Variants in ACOT7 observed in about 807,000 individuals in gnomAD.
ACOT7 encodes the protein acyl-CoA thioesterase 7.
Under a neutral mutation model 40.2 loss-of-function variants are expected in ACOT7, and 12 were observed. The observed-to-expected ratio is 0.30, with a 90% CI of 0.19 to 0.48. The LOEUF is 0.48. Among genes scored for constraint, ACOT7 ranks in the 20% least tolerant of loss-of-function variants. ACOT7 has a pLI of 0.99. For synonymous variants in ACOT7, 228 were observed against 219.5 expected, an observed-to-expected ratio of 1.04 and a Z score of -0.34; for missense variants, 395 against 530.8, an observed-to-expected ratio of 0.74 and a Z score of 2.51.
chr1:6,305,021 GC>G lies in ACOT7; in HGVS notation c.713-10042del, dbSNP rs1315765846. 1.6e-4 allele frequency among the ~76,000 whole-genome samples: 24 copies of G among 149,544 alleles called. No individual in the cohort carries two copies. The East Asian group carries it at 2.7e-3, about 17-fold the overall frequency. ...CGGACGGGGCGGCTGGCCGGGCGGGGCGCTGACCCCCCCGCCTCCCTCCCAG... is the reference window on the plus strand; with the variant it reads ...CGGACGGGGCGGCTGGCCGGGCGGGGGCTGACCCCCCCGCCTCCCTCCCAG... On this transcript the variant is annotated intron_variant, in intron 6 of 8. Transcript: ENST00000361521.
At chr1:6,320,739 C>T (rs1434826259) in intron 5 of ACOT7, among the ~76,000 whole-genome samples, 2 of 152,196 alleles carry the variant, frequency 1.3e-5, no homozygotes, top group Non-Finnish European at 2.9e-5. Context: ...GGTTCTACCC[C>T]TCCAGTCACC....
At chr1:6,277,678 C>T (rs1639236572) in intron 8 of ACOT7, among the ~76,000 whole-genome samples, 2 of 152,256 alleles carry the variant, frequency 1.3e-5, no homozygotes, top group Admixed American at 1.3e-4. Flanking sequence ...TCCTCCCTGA[C>T]TCCAGGCCTC....
In ACOT7 at chr1:6,294,772, T is replaced by C. The variant is rs774108726; in HGVS notation, c.829+92A>G. ...AGATGGGCACACACCAAGGCCCACA[T>C]GACCCTGGGTGTGAACAGAAAACAA... On this transcript the variant is annotated intron_variant, in intron 7 of 8. Coordinates refer to ENST00000361521, the MANE Select transcript of ACOT7 (RefSeq NM_007274.4). The surrounding 1 kb of genome is among the most constrained non-coding windows in gnomAD (Gnocchi z 4.6). 1.4e-5 allele frequency: 14 copies of C among 971,350 alleles called. No homozygotes were observed. The highest frequency in any genetic ancestry group is 3.2e-5 in the African/African-American group (2 of 61,776). 60.2% of individuals were successfully genotyped at this position (971,350 alleles called of 1,614,324 possible). A position where few individuals can be genotyped will look rare whatever the true frequency, so the allele number is the denominator to read the frequency against.
At position 6,299,865 on chromosome 1, in the gene ACOT7, G is replaced by A. The variant is rs1209756532; in HGVS notation, c.713-4885C>T. Among the ~76,000 whole-genome samples the A allele has an allele frequency of 2.0e-5, 3 of 152,284 alleles. No individual in the cohort carries two copies. The highest frequency in any genetic ancestry group is 3.4e-3 in the Middle Eastern group (1 of 294). On this transcript the variant is annotated intron_variant, in intron 6 of 8. Coordinates refer to ENST00000361521, the MANE Select transcript of ACOT7 (RefSeq NM_007274.4). This position sits in a 1 kb window ranked among gnomAD's most constrained non-coding sequence, Gnocchi z 4.1. ...GCACAGGTGTGCCACGGAATTCCAC[G>A]GCATTTCCCACAGACCAACTCTAAA...
At chr1:6,375,048 C>T (rs959090680) in intron 1 of ACOT7, among the ~76,000 whole-genome samples, 26 of 151,536 alleles carry the variant, frequency 1.7e-4, no homozygotes, top group African/African-American at 4.9e-4. Flanking sequence ...GAGGCCGAGG[C>T]GGGCGGATCA....
intron 8 of ACOT7, among the ~76,000 whole-genome samples, chr1:6,271,627 C>T (rs1002403148): frequency 1.3e-5 from 2 of 152,188 alleles, no homozygotes; most frequent in African/African-American, 4.8e-5. Flanking sequence ...GTGGCCTCTC[C>T]GCCATCCGCT....
In ACOT7 at chr1:6,286,131, G is replaced by A. The variant is rs981656234; in HGVS notation, c.830-4845C>T. 2.6e-5 allele frequency among the ~76,000 whole-genome samples: 4 copies of A among 152,342 alleles called. No homozygotes were observed. In the East Asian group the frequency reaches 7.7e-4, roughly 29 times the overall value. ...CCTGACAATCAGCCCACGAGCGGAG[G>A]TGCTGCCTTGGGATGGCTCCACCAC... On this transcript the variant is annotated intron_variant, in intron 7 of 8. Coordinates refer to ENST00000361521, the MANE Select transcript of ACOT7 (RefSeq NM_007274.4).
At chr1:6,305,242 C>T (rs1571290010) in intron 6 of ACOT7, among the ~76,000 whole-genome samples, 4 of 145,268 alleles carry the variant, frequency 2.8e-5, no homozygotes, top group Admixed American at 6.7e-5. Flanking sequence ...GCGGGCCGGG[C>T]GGGGGGCTGA....
At chr1:6,331,056 C>A (rs1003540546) in intron 4 of ACOT7, among the ~76,000 whole-genome samples, 2 of 152,132 alleles carry the variant, frequency 1.3e-5, no homozygotes, top group Admixed American at 6.5e-5. Flanking sequence ...CCCATCTGAC[C>A]CCTGCTCCTT....
intron 5 of ACOT7, among the ~76,000 whole-genome samples, chr1:6,323,512 G>A (rs889522917): frequency 6.6e-6 from 1 of 152,022 alleles, no homozygotes; most frequent in Non-Finnish European, 1.5e-5. Context: ...GAGGTCAGGA[G>A]TTCGAGACCA....
intron 6 of ACOT7, among the ~76,000 whole-genome samples, chr1:6,307,503 TAC>T (rs1640188909): frequency 6.6e-6 from 1 of 152,208 alleles, no homozygotes; most frequent in African/African-American, 2.4e-5. Flanking sequence ...GTCTAATTTA[TAC>T]AGAGTGCTCA....
chr1:6,313,462 A>G (rs1275375167), intron 6 of ACOT7, among the ~76,000 whole-genome samples: 1 of 152,170 alleles, frequency 6.6e-6, no homozygotes, highest in Non-Finnish European at 1.5e-5. Flanking sequence ...CTCAGCCACA[A>G]GTCTTTTCAG....
At chr1:6,303,081 C>G (rs1402345564) in intron 6 of ACOT7, among the ~76,000 whole-genome samples, 2 of 152,188 alleles carry the variant, frequency 1.3e-5, no homozygotes, top group East Asian at 3.8e-4. Context: ...CACTTTCTTC[C>G]GCTGTATTTA....
At chr1:6,296,702 C>T (rs11807066) in intron 6 of ACOT7, among the ~76,000 whole-genome samples, 2,380 of 152,192 alleles carry the variant, frequency 0.016, 55 homozygotes, top group African/African-American at 0.054. Flanking sequence ...GGATTACAGG[C>T]ATGAGCCACC....
intron 1 of ACOT7, among the ~76,000 whole-genome samples, chr1:6,364,492 G>A (rs1641957349): frequency 6.8e-6 from 1 of 148,082 alleles, no homozygotes; most frequent in African/African-American, 2.5e-5. Flanking sequence ...AGTGAGCCAA[G>A]ATCATGCCAT....
At chr1:6,321,990 G>C (rs1640658558) in intron 5 of ACOT7, among the ~76,000 whole-genome samples, 5 of 152,338 alleles carry the variant, frequency 3.3e-5, no homozygotes, top group Non-Finnish European at 1.5e-5. Context: ...GCAATTGCAG[G>C]CTGATTCTGG....
At chr1:6,323,293 A>T (rs943102740) in intron 5 of ACOT7, among the ~76,000 whole-genome samples, 10 of 152,222 alleles carry the variant, frequency 6.6e-5, no homozygotes, top group African/African-American at 2.4e-4. Context: ...ACCTGAAATG[A>T]GTCCCAGTCA....
intron 1 of ACOT7, among the ~76,000 whole-genome samples, chr1:6,362,554 C>T (rs1262523610): frequency 1.3e-5 from 2 of 152,094 alleles, no homozygotes; most frequent in Non-Finnish European, 2.9e-5. Context: ...ACCTAGAACT[C>T]AAAAGCACAC....
At chr1:6,305,982 C>A (rs1484563327) in intron 6 of ACOT7, among the ~76,000 whole-genome samples, 2 of 152,048 alleles carry the variant, frequency 1.3e-5, no homozygotes, top group African/African-American at 2.4e-5. Context: ...CGGTTAGGAG[C>A]TGGAGACCAG....
Sources: gnomAD v4.1 joint callset for allele counts (sites outside exome capture counted in the v4.1 genomes callset) on GRCh38, gnomAD v4.1.1 for gene constraint, Gnocchi (gnomAD v3.1) non-coding constraint, MANE v1.5 for transcripts, NCBI Gene and HGNC (gene_info 2026-07-23, HGNC 2026-07-21) for gene names.